The following NFIA variants were observed in gnomAD, a reference collection of about 807,000 sequenced individuals.
The protein encoded by NFIA is nuclear factor 1 A-type.
In NFIA, 8 loss-of-function variants were observed where a neutral mutation model predicts 62.8. The observed-to-expected ratio is 0.13, with a 90% CI of 0.07 to 0.23. The LOEUF (loss-of-function observed/expected upper bound fraction) is 0.23. Among genes scored for constraint, NFIA ranks in the 10% least tolerant of loss-of-function variants. The probability of loss-of-function intolerance (pLI) is 1.00; values close to 1 mark genes in which losing one functional copy is unlikely to be tolerated. For synonymous variants in NFIA, 235 were observed against 238.1 expected, an observed-to-expected ratio of 0.99 and a Z score of 0.12; for missense variants, 410 against 642.1, an observed-to-expected ratio of 0.64 and a Z score of 3.91.
chr1:61,126,675 A>G (rs1312811649), intron 2 of NFIA, among the ~76,000 whole-genome samples: 1 of 151,880 alleles, frequency 6.6e-6, no homozygotes, highest in Non-Finnish European at 1.5e-5. Flanking sequence ...TGAACAGGAT[A>G]GGTTAACTTG....
rs1452695097 is a variant in NFIA, at chr1:61,359,291, C to T, written c.946+17C>T. ...TGGAGCCAGGTAAGCAGAGTGGCGGCACGGGCATGTGGCTAACACTGTGAA... is the reference window on the plus strand; with the variant it reads ...TGGAGCCAGGTAAGCAGAGTGGCGGTACGGGCATGTGGCTAACACTGTGAA... On this transcript the variant is annotated intron_variant, in intron 6 of 10. Coordinates refer to ENST00000403491, the MANE Select transcript of NFIA (RefSeq NM_001134673.4). The T allele has an allele frequency of 1.2e-6, 2 of 1,612,066 alleles. No homozygotes were observed. The highest frequency in any genetic ancestry group is 2.2e-5 in the East Asian group (1 of 44,870).
chr1:61,151,382 C>CTTTTTTTTTTTT (rs60675167), intron 2 of NFIA, among the ~76,000 whole-genome samples: 1 of 141,748 alleles, frequency 7.1e-6, no homozygotes. Context: ...GCTAATACAG[C>CTTTTTTTTTTTT]TTTTTTTTTT....
chr1:61,376,813 A>G (rs1449058164), intron 6 of NFIA, among the ~76,000 whole-genome samples: 1 of 152,194 alleles, frequency 6.6e-6, no homozygotes, highest in Non-Finnish European at 1.5e-5. Context: ...GTACCATCTA[A>G]TAGCTGTATG....
At chr1:61,391,048 G>A (rs201546269) in intron 7 of NFIA, among the ~76,000 whole-genome samples, 1 of 77,414 alleles carries the variant, frequency 1.3e-5, no homozygotes, top group African/African-American at 6.3e-5. Flanking sequence ...TTGTTTATTT[G>A]TTTGTTTGTT....
chr1:61,406,779 G>A, intron 9 of NFIA, 52 bp downstream of exon 9: 1 of 1,501,860 alleles, frequency 6.7e-7, no homozygotes. Flanking sequence ...GTATGCACTG[G>A]AATCCACACT....
intron 2 of NFIA, among the ~76,000 whole-genome samples, chr1:61,130,985 A>G (rs926221312): frequency 6.6e-6 from 1 of 152,246 alleles, no homozygotes; most frequent in East Asian, 1.9e-4. Flanking sequence ...CTGGTCATCA[A>G]TCTAGTCTTC....
rs367595235 is a variant in NFIA at position 61,104,974 on chromosome 1, A to G, written c.559+16294A>G. On this transcript the variant is annotated intron_variant, in intron 2 of 10. Coordinates refer to ENST00000403491, the MANE Select transcript of NFIA (RefSeq NM_001134673.4). ...ATAGAATGGATTTTTAAAAAAACTT[A>G]CATTCTAATTAGGTCTCAATGCTGC... Among the ~76,000 whole-genome samples, 10 of 152,106 alleles carry G rather than the reference A, an allele frequency of 6.6e-5. No individual in the cohort carries two copies. In the East Asian group the frequency reaches 7.7e-4, roughly 12 times the overall value.
chr1:61,308,338 G>A (rs1373285378), intron 3 of NFIA, among the ~76,000 whole-genome samples: 1 of 152,046 alleles, frequency 6.6e-6, no homozygotes, highest in Non-Finnish European at 1.5e-5. Context: ...GAGTAAATGA[G>A]TAGAAAAAAA....
chr1:61,257,459 T>C (rs1656481985), intron 2 of NFIA, among the ~76,000 whole-genome samples: 1 of 147,524 alleles, frequency 6.8e-6, no homozygotes, highest in Non-Finnish European at 1.5e-5. Flanking sequence ...TGACTCAGGC[T>C]CCCGAGTAGC....
intron 2 of NFIA, among the ~76,000 whole-genome samples, chr1:61,196,306 A>C (rs1651992974): frequency 6.6e-6 from 1 of 152,194 alleles, no homozygotes; most frequent in Non-Finnish European, 1.5e-5. Context: ...TTGCATCCTC[A>C]TGCCCAATAT....
intron 2 of NFIA, among the ~76,000 whole-genome samples, chr1:61,203,372 A>G (rs1161787478): frequency 6.6e-6 from 1 of 152,148 alleles, no homozygotes; most frequent in Non-Finnish European, 1.5e-5. Flanking sequence ...TGTCAAAATT[A>G]AAGCACGAGT....
intron 7 of NFIA, among the ~76,000 whole-genome samples, chr1:61,389,699 C>G (rs190646873): frequency 1.7e-4 from 25 of 151,098 alleles, no homozygotes; most frequent in African/African-American, 5.3e-4. Context: ...ACATATCCAT[C>G]TAGATCTTTT....
At chr1:61,132,510 CA>C (rs1647098876) in intron 2 of NFIA, among the ~76,000 whole-genome samples, 1 of 152,154 alleles carries the variant, frequency 6.6e-6, no homozygotes, top group African/African-American at 2.4e-5. Flanking sequence ...ACCATAAGTT[CA>C]GATAACTTGG....
In NFIA at chr1:61,277,570, G is replaced by A. The variant is rs747622914; in HGVS notation, c.610G>A (p.Asp204Asn). ...CCAGCCAAGTGACGCTGACATTAAGGACCAGCCAGAAAATGGTAAGTTTAG... is the reference window on the plus strand; with the variant it reads ...CCAGCCAAGTGACGCTGACATTAAGAACCAGCCAGAAAATGGTAAGTTTAG... ...PSQPSDADIK[D>N]QPENGHLGFQ... The change falls in exon 3 of 11, where the codon GAC (aspartate) becomes AAC (asparagine). Residue 204 changes from aspartate (D) to asparagine (N), a missense_variant. Asp to Asn is a conservative substitution (Grantham distance 23). Coordinates refer to ENST00000403491, the MANE Select transcript of NFIA (RefSeq NM_001134673.4). The A allele has an allele frequency of 5.6e-6, 9 of 1,613,660 alleles. No homozygotes were observed. Among genetic ancestry groups the A allele is most frequent in the Non-Finnish European group, 7.6e-6 (9 of 1,179,820 alleles).
chr1:61,149,347 T>A (rs758609554), intron 2 of NFIA, among the ~76,000 whole-genome samples: 1 of 152,206 alleles, frequency 6.6e-6, no homozygotes, highest in Admixed American at 6.5e-5. Flanking sequence ...TTTTTAAAAT[T>A]CCCTGTCTTT....
At chr1:61,284,459 A>G (rs1020937798) in intron 3 of NFIA, among the ~76,000 whole-genome samples, 1 of 152,064 alleles carries the variant, frequency 6.6e-6, no homozygotes, top group Non-Finnish European at 1.5e-5. Context: ...TCTGTGAAAG[A>G]TGAGGTGCCA....
intron 7 of NFIA, among the ~76,000 whole-genome samples, chr1:61,383,660 T>TTG (rs113532018): frequency 1.5e-3 from 222 of 151,644 alleles, no homozygotes; most frequent in African/African-American, 4.2e-3. Context: ...GTTCTACAAG[T>TTG]TGTGTGTGTG....
chr1:61,227,352 C>A (rs1397640402), intron 2 of NFIA, among the ~76,000 whole-genome samples: 1 of 149,434 alleles, frequency 6.7e-6, no homozygotes, highest in African/African-American at 2.5e-5. Context: ...CATAATTTAT[C>A]AAGCTTGATT....
intron 4 of NFIA, among the ~76,000 whole-genome samples, chr1:61,343,858 C>G (rs1485350769): frequency 1.3e-5 from 2 of 152,182 alleles, no homozygotes; most frequent in African/African-American, 4.8e-5. Flanking sequence ...CCCATAACTG[C>G]TCACACTGCA....
Sources: allele counts gnomAD v4.1 joint callset (sites outside exome capture counted in the v4.1 genomes callset), GRCh38; gene constraint gnomAD v4.1.1; transcripts MANE v1.5; gene names NCBI Gene and HGNC (gene_info 2026-07-23, HGNC 2026-07-21).